PCDH11X: variants seen among roughly 807,000 people sequenced by gnomAD.
PCDH11X encodes the protein protocadherin-11 X-linked.
In PCDH11X, 18 loss-of-function variants were observed where a neutral mutation model predicts 53.3. The observed-to-expected ratio is 0.34, with a 90% confidence interval of 0.23 to 0.50. The LOEUF is 0.50. Ranked by LOEUF, PCDH11X falls within the 20% of genes least tolerant of loss-of-function variation. The probability of loss-of-function intolerance (pLI) is 0.98; values close to 1 mark genes in which losing one functional copy is unlikely to be tolerated. For synonymous variants in PCDH11X, 279 were observed against 393.3 expected (o/e 0.71, Z 3.44); for missense variants, 570 against 1,032.4 (o/e 0.55, Z 6.14).
chrX:91,823,667 C>G (rs1325570793), intron 4 of PCDH11X, among the ~76,000 whole-genome samples: 2 of 111,120 alleles, frequency 1.8e-5, no homozygotes, highest in Non-Finnish European at 3.8e-5. Flanking sequence ...GCATTTAGTC[C>G]ATTTACATTT....
rs2064867104 is a variant in PCDH11X at position 92,126,616 on chromosome X, T to C, written c.3034-74759T>C. 3.8e-5 allele frequency among the ~76,000 whole-genome samples: 4 copies of C among 106,190 alleles called. No homozygotes were observed. In the South Asian group the frequency reaches 1.6e-3, roughly 42 times the overall value. 92.2% of individuals were successfully genotyped at this position (106,190 alleles called of 115,157 possible). On this transcript the variant is annotated intron_variant, in intron 6 of 10. Transcript: ENST00000682573. ...AAGAGCAAAACTCTGTCTCAAAAAATAAAAAATAAAAAATAAAAAAATTAA... is the reference window on the plus strand; with the variant it reads ...AAGAGCAAAACTCTGTCTCAAAAAACAAAAAATAAAAAATAAAAAAATTAA...
chrX:92,127,518 CTTTTTTTTT>C (rs35828888), intron 6 of PCDH11X, among the ~76,000 whole-genome samples: 1 of 88,437 alleles, frequency 1.1e-5, no homozygotes, highest in African/African-American at 4.5e-5. Context: ...TTTCCCCCCA[CTTTTTTTTT>C]TTTTTTTTTT....
At chrX:91,856,980 C>G (rs1313067068) in intron 5 of PCDH11X, among the ~76,000 whole-genome samples, 1 of 111,285 alleles carries the variant, frequency 9.0e-6, no homozygotes, top group African/African-American at 3.3e-5. Context: ...AATGGGATTG[C>G]TGGGTCAAAT....
rs1569389547 is a variant in PCDH11X at position 92,148,177 on chromosome X, T to TTCCTTCCTTCC, written c.3034-53197_3034-53196insCCTTCCTTCCT. Among the ~76,000 whole-genome samples the TTCCTTCCTTCC allele has an allele frequency of 1.6e-4, 4 of 24,372 alleles. 1 individual carries two copies. The highest frequency in any genetic ancestry group is 8.7e-4 in the African/African-American group (4 of 4,610). 21.2% of individuals were successfully genotyped at this position (24,372 alleles called of 115,157 possible). On this transcript the variant is annotated intron_variant, in intron 6 of 10. Coordinates refer to ENST00000682573, the MANE Select transcript of PCDH11X (RefSeq NM_032968.5). The stretch of plus-strand genomic sequence containing the variant: ...CCTTCCTTCCTTCCTTCCTTCCTTC[T>TTCCTTCCTTCC]TTCTTTCTTTCTTTCTTTCTTTCTT...
At chrX:92,090,719 A>G (rs1382981260) in intron 6 of PCDH11X, among the ~76,000 whole-genome samples, 2 of 110,474 alleles carry the variant, frequency 1.8e-5, no homozygotes, top group Non-Finnish European at 3.8e-5. Flanking sequence ...TTTAATTGCT[A>G]ATGCATTTGT....
chrX:92,368,076 C>A (rs1462918520), intron 8 of PCDH11X, among the ~76,000 whole-genome samples: 1 of 101,651 alleles, frequency 9.8e-6, no homozygotes, highest in African/African-American at 3.6e-5. Context: ...TGGATAATAT[C>A]CTGAAGTGTG....
chrX:92,525,688 T>C (rs1439513165), intron 10 of PCDH11X, among the ~76,000 whole-genome samples: 1 of 107,636 alleles, frequency 9.3e-6, no homozygotes, highest in Non-Finnish European at 1.9e-5. Context: ...TGGCCAACCA[T>C]GTACACAACT....
intron 10 of PCDH11X, among the ~76,000 whole-genome samples, chrX:92,543,731 T>C (rs1328536782): frequency 9.5e-6 from 1 of 105,640 alleles, no homozygotes; most frequent in African/African-American, 3.5e-5. Context: ...TGAGCCGAGA[T>C]CGTGCCACTG....
At chrX:92,543,028 T>C (rs749264535) in intron 10 of PCDH11X, among the ~76,000 whole-genome samples, 1 of 110,239 alleles carries the variant, frequency 9.1e-6, no homozygotes, top group South Asian at 3.8e-4. Context: ...CAAAATATAC[T>C]TCTTAAATCC....
chrX:92,172,646 A>C (rs1449871698), intron 6 of PCDH11X, among the ~76,000 whole-genome samples: 2 of 111,596 alleles, frequency 1.8e-5, no homozygotes, highest in East Asian at 5.6e-4. Context: ...AAACAAAGAA[A>C]CCTTATGAGC....
At chrX:92,212,420 G>A (rs934630826) in intron 7 of PCDH11X, among the ~76,000 whole-genome samples, 4 of 111,020 alleles carry the variant, frequency 3.6e-5, no homozygotes, top group South Asian at 3.8e-4. Flanking sequence ...GCACTATCTC[G>A]GTTCACTGCA....
intron 10 of PCDH11X, among the ~76,000 whole-genome samples, chrX:92,531,971 A>G (rs1396750772): frequency 1.8e-5 from 2 of 111,041 alleles, no homozygotes; most frequent in African/African-American, 3.3e-5. Flanking sequence ...TACTACAGGG[A>G]CAAAGTGGAC....
intron 10 of PCDH11X, among the ~76,000 whole-genome samples, chrX:92,585,751 G>T (rs1317058029): frequency 9.0e-6 from 1 of 110,823 alleles, no homozygotes; most frequent in Non-Finnish European, 1.9e-5. Context: ...TATCAAAGTT[G>T]AGTGCATTAT....
At chrX:92,031,051 G>A (rs2063041822) in intron 6 of PCDH11X, among the ~76,000 whole-genome samples, 1 of 110,813 alleles carries the variant, frequency 9.0e-6, no homozygotes, top group East Asian at 2.9e-4. Context: ...AGTTTTTTGA[G>A]GAACCTCCAA....
chrX:92,265,985 C>G lies in PCDH11X; in HGVS notation c.3144+2842C>G, dbSNP rs146019710. The stretch of plus-strand genomic sequence containing the variant: ...TAATGCTACAGACCCATCATTAACT[C>G]ATTTTTACTAGTCTATATACATTCC... On this transcript the variant is annotated intron_variant, in intron 8 of 10. Coordinates refer to ENST00000682573, the MANE Select transcript of PCDH11X (RefSeq NM_032968.5). Among the ~76,000 whole-genome samples, 58 of 111,884 alleles carry G rather than the reference C, an allele frequency of 5.2e-4. No homozygotes were observed. In the East Asian group the frequency reaches 0.015, roughly 30 times the overall value.
chrX:92,009,520 A>G (rs960323481), intron 6 of PCDH11X, among the ~76,000 whole-genome samples: 11 of 110,873 alleles, frequency 9.9e-5, no homozygotes, highest in South Asian at 3.8e-4. Flanking sequence ...GTAAATTACA[A>G]TGCAATGAAA....
chrX:91,930,847 T>A (rs1297936210), intron 6 of PCDH11X, among the ~76,000 whole-genome samples: 1 of 104,759 alleles, frequency 9.5e-6, no homozygotes, highest in Non-Finnish European at 2.0e-5. Flanking sequence ...AGTGTCAGAG[T>A]TGGTCATTAG....
intron 10 of PCDH11X, among the ~76,000 whole-genome samples, chrX:92,580,274 G>A (rs1602378066): frequency 9.2e-6 from 1 of 108,819 alleles, no homozygotes; most frequent in Non-Finnish European, 1.9e-5. Flanking sequence ...GGCCGAGTAG[G>A]TGTTCTACAC....
intron 6 of PCDH11X, among the ~76,000 whole-genome samples, chrX:91,890,784 A>G (rs1334481555): frequency 1.2e-4 from 13 of 110,621 alleles, no homozygotes; most frequent in Non-Finnish European, 2.3e-4. Context: ...CTTCAACTTT[A>G]TGGGTTTAAT....
Sources: gnomAD v4.1 joint callset for allele counts (sites outside exome capture counted in the v4.1 genomes callset) on GRCh38, gnomAD v4.1.1 for gene constraint, MANE v1.5 for transcripts, NCBI Gene and HGNC (gene_info 2026-07-23, HGNC 2026-07-21) for gene names.